The following TRIM44 variants were observed in gnomAD, a reference collection of about 807,000 sequenced individuals.
The protein encoded by TRIM44 is tripartite motif containing 44.
A neutral mutation model predicts 37.4 loss-of-function variants in TRIM44; 13 were observed. The observed-to-expected ratio is 0.35, with a 90% CI of 0.23 to 0.55. The LOEUF is 0.55. TRIM44 is among the 20% of genes least tolerant of loss of function. The pLI, the probability that TRIM44 is intolerant of heterozygous loss-of-function variation, is 0.89. For synonymous variants in TRIM44, 175 were observed against 157.2 expected (o/e 1.11, Z -0.85); for missense variants, 426 against 437.2 (o/e 0.97, Z 0.23).
intron 4 of TRIM44, among the ~76,000 whole-genome samples, chr11:35,780,039 T>C (rs748754780): frequency 6.6e-6 from 1 of 152,172 alleles, no homozygotes; most frequent in Non-Finnish European, 1.5e-5. Context: ...TCAGGTAATA[T>C]GATGCCTCCA....
Position 35,811,472 on chromosome 11 carries a change from C to T in TRIM44, c.*5087C>T, listed in dbSNP as rs1853527118. The stretch of plus-strand genomic sequence containing the variant: ...TCTTTTAGAGCAAATTACAGTTAGG[C>T]CAACAAAATCTTTGTTTTGTGAAAC... On this transcript the variant is annotated 3_prime_UTR_variant, in exon 5 of 5. Coordinates refer to ENST00000299413, the MANE Select transcript of TRIM44 (RefSeq NM_017583.6). 1 of 152,044 alleles carries T rather than the reference C, an allele frequency of 6.6e-6. No homozygotes were observed. Among genetic ancestry groups the T allele is most frequent in the South Asian group, 2.1e-4 (1 of 4,812 alleles). The allele number at this position is 152,044 out of a possible 1,614,324, so 9.4% of individuals were successfully genotyped here.
intron 4 of TRIM44, among the ~76,000 whole-genome samples, chr11:35,770,740 C>A (rs1423625380): frequency 6.6e-6 from 1 of 152,088 alleles, no homozygotes; most frequent in African/African-American, 2.4e-5. Flanking sequence ...GAATTCTATT[C>A]CCATAATTAC....
chr11:35,705,114 A>G (rs1180752185), intron 2 of TRIM44, among the ~76,000 whole-genome samples: 3 of 148,768 alleles, frequency 2.0e-5, no homozygotes, highest in Non-Finnish European at 4.4e-5. Flanking sequence ...TTGCAATCCT[A>G]GTCTCTGATA....
chr11:35,793,657 T>TA (rs1347478186), intron 4 of TRIM44, among the ~76,000 whole-genome samples: 2 of 152,182 alleles, frequency 1.3e-5, no homozygotes, highest in African/African-American at 4.8e-5. Context: ...AGGTACCAGT[T>TA]ACCTCCTCTG....
At chr11:35,727,522 A>G (rs559396843) in intron 3 of TRIM44, among the ~76,000 whole-genome samples, 186 of 152,336 alleles carry the variant, frequency 1.2e-3, no homozygotes, top group African/African-American at 4.3e-3. Flanking sequence ...ATTTTCATCA[A>G]TGTGTGAAAA....
At chr11:35,781,424 G>C (rs1288493963) in intron 4 of TRIM44, among the ~76,000 whole-genome samples, 1 of 152,192 alleles carries the variant, frequency 6.6e-6, no homozygotes, top group Non-Finnish European at 1.5e-5. Flanking sequence ...TGTAGGAGGA[G>C]AGAGAACATG....
chr11:35,793,980 G>T (rs1012686051), intron 4 of TRIM44, among the ~76,000 whole-genome samples: 4 of 152,184 alleles, frequency 2.6e-5, no homozygotes, highest in African/African-American at 7.2e-5. Context: ...TTTATTAATT[G>T]TAAGTGCTTA....
intron 4 of TRIM44, among the ~76,000 whole-genome samples, chr11:35,742,993 T>C (rs1852432654): frequency 6.6e-6 from 1 of 151,824 alleles, no homozygotes; most frequent in Non-Finnish European, 1.5e-5. Flanking sequence ...TATTGCAGTA[T>C]AATGATTCTC....
chr11:35,765,154 C>A (rs570180060), intron 4 of TRIM44, among the ~76,000 whole-genome samples: 1 of 152,000 alleles, frequency 6.6e-6, no homozygotes, highest in Non-Finnish European at 1.5e-5. Flanking sequence ...AAATTTAAAT[C>A]TTAATAATTA....
At chr11:35,692,780 A>G (rs1004643143) in intron 2 of TRIM44, among the ~76,000 whole-genome samples, 1 of 152,026 alleles carries the variant, frequency 6.6e-6, no homozygotes, top group Non-Finnish European at 1.5e-5. Context: ...AAAATTAGCC[A>G]GGCATGGTGG....
rs1853593159 is a variant in TRIM44, at chr11:35,817,479, A to C, written c.*11094A>C. ...TTAGCAAAGTAAAAAGGACAGTGAT[A>C]ACAGAAAAATTGTTCCTCTAAGAGT... On this transcript the variant is annotated 3_prime_UTR_variant, in exon 5 of 5. Coordinates refer to ENST00000299413, the MANE Select transcript of TRIM44 (RefSeq NM_017583.6). 2 of 152,188 alleles carry C rather than the reference A, an allele frequency of 1.3e-5. No individual in the cohort carries two copies. The highest frequency in any genetic ancestry group is 4.2e-4 in the South Asian group (2 of 4,814). The allele number at this position is 152,188 out of a possible 1,614,324, so 9.4% of individuals were successfully genotyped here.
rs1853455457 is a variant in TRIM44 at position 35,806,657 on chromosome 11, T to G, written c.*272T>G. ...TAAGAAAGGTCCTTCAGGTAATCCC[T>G]CAATGGCTGCTTTGAACTTACTCAG... On this transcript the variant is annotated 3_prime_UTR_variant, in exon 5 of 5. Transcript: ENST00000299413. 2.4e-6 allele frequency: 1 copy of G among 415,570 alleles called. No homozygotes were observed. The highest frequency in any genetic ancestry group is 4.1e-5 in the Admixed American group (1 of 24,518). The allele number at this position is 415,570 out of a possible 1,614,324, so 25.7% of individuals were successfully genotyped here. A position where few individuals can be genotyped will look rare whatever the true frequency, so the allele number is the denominator to read the frequency against.
chr11:35,666,754 A>G (rs1453769610), intron 1 of TRIM44, among the ~76,000 whole-genome samples: 5 of 152,204 alleles, frequency 3.3e-5, no homozygotes, highest in Admixed American at 6.5e-5. Flanking sequence ...GCAAGACCCT[A>G]TCTCTAAAAT....
intron 1 of TRIM44, among the ~76,000 whole-genome samples, chr11:35,684,886 C>A (rs920415973): frequency 6.6e-6 from 1 of 152,108 alleles, no homozygotes; most frequent in Non-Finnish European, 1.5e-5. Flanking sequence ...TTGCATACTT[C>A]TATATCTGAT....
chr11:35,702,138 T>A (rs895659779), intron 2 of TRIM44, among the ~76,000 whole-genome samples: 9 of 152,192 alleles, frequency 5.9e-5, no homozygotes, highest in African/African-American at 1.9e-4. Context: ...AACCTAGAAA[T>A]AAGCCACTCT....
chr11:35,771,851 G>A (rs1054784198), intron 4 of TRIM44, among the ~76,000 whole-genome samples: 11 of 152,130 alleles, frequency 7.2e-5, no homozygotes, highest in African/African-American at 1.4e-4. Context: ...AATTCAAGCC[G>A]TCTGCATAAA....
chr11:35,680,445 GT>G (rs11410625), intron 1 of TRIM44, among the ~76,000 whole-genome samples: 22 of 145,176 alleles, frequency 1.5e-4, no homozygotes, highest in East Asian at 2.0e-4. Context: ...GCAAGGTTTT[GT>G]TTTTTTTTTT....
intron 4 of TRIM44, among the ~76,000 whole-genome samples, chr11:35,742,614 A>G (rs1396973837): frequency 1.5e-5 from 2 of 131,900 alleles, no homozygotes; most frequent in African/African-American, 2.9e-5. Context: ...TATATTAATT[A>G]TATTAATTGT....
At chr11:35,800,454 C>A (rs1372829280) in intron 4 of TRIM44, among the ~76,000 whole-genome samples, 1 of 152,054 alleles carries the variant, frequency 6.6e-6, no homozygotes, top group Non-Finnish European at 1.5e-5. Context: ...AGCACTGATT[C>A]GTGCATTTTT....
Sources: gnomAD v4.1 joint callset for allele counts (sites outside exome capture counted in the v4.1 genomes callset) on GRCh38, gnomAD v4.1.1 for gene constraint, MANE v1.5 for transcripts, NCBI Gene and HGNC (gene_info 2026-07-23, HGNC 2026-07-21) for gene names.